DIAPH3: variants seen among roughly 807,000 people sequenced by gnomAD.
DIAPH3 encodes the protein diaphanous related formin 3.
In DIAPH3, 117 loss-of-function variants were observed where a neutral mutation model predicts 144.3. That is an observed-to-expected ratio of 0.81 (90% CI 0.70 to 0.95). The LOEUF (loss-of-function observed/expected upper bound fraction) is 0.95. Among genes scored for constraint, DIAPH3 ranks in the 40% least tolerant of loss-of-function variants. The pLI, the probability that DIAPH3 is intolerant of heterozygous loss-of-function variation, is 0.00. For missense variants in DIAPH3, 1,421 were observed against 1,412.7 expected, an observed-to-expected ratio of 1.01 and a Z score of -0.09; for synonymous variants, 519 against 488.9, an observed-to-expected ratio of 1.06 and a Z score of -0.81.
At position 59,983,906 on chromosome 13, in the gene DIAPH3, G is replaced by A; in HGVS notation, c.1362-19C>T. 1 of 1,484,458 alleles carries A rather than the reference G, an allele frequency of 6.7e-7. No individual in the cohort carries two copies. The highest frequency in any genetic ancestry group is 9.4e-7 in the Non-Finnish European group (1 of 1,064,266). 92.0% of individuals were successfully genotyped at this position (1,484,458 alleles called of 1,614,324 possible). ...TTGTTGCCTAAAACCAAAGAAAAGA[G>A]TAAATGTACAATTGATAATTAGTGT... On this transcript the variant is annotated intron_variant, in intron 12 of 27. Coordinates refer to ENST00000400324, the MANE Select transcript of DIAPH3 (RefSeq NM_001042517.2).
chr13:59,917,434 T>G (rs981457688), intron 18 of DIAPH3, among the ~76,000 whole-genome samples: 1 of 152,154 alleles, frequency 6.6e-6, no homozygotes, highest in African/African-American at 2.4e-5. Flanking sequence ...ATATCATGTA[T>G]CACCTACAGA....
At chr13:60,049,215 A>G (rs1376187291) in intron 4 of DIAPH3, among the ~76,000 whole-genome samples, 1 of 152,202 alleles carries the variant, frequency 6.6e-6, no homozygotes, top group Non-Finnish European at 1.5e-5. Context: ...TAACCTGTCA[A>G]TCTTTTCTCT....
intron 1 of DIAPH3, among the ~76,000 whole-genome samples, chr13:60,145,436 A>G (rs1566822588): frequency 6.6e-6 from 1 of 152,194 alleles, no homozygotes; most frequent in South Asian, 2.1e-4. Flanking sequence ...TCACAAGGTC[A>G]GGAGATCGAG....
intron 17 of DIAPH3, among the ~76,000 whole-genome samples, chr13:59,966,863 T>C (rs1248075834): frequency 6.6e-6 from 1 of 152,048 alleles, no homozygotes; most frequent in African/African-American, 2.4e-5. Flanking sequence ...AGATACACCA[T>C]TTCTCTAAAA....
intron 25 of DIAPH3, among the ~76,000 whole-genome samples, chr13:59,782,652 G>A (rs893585492): frequency 6.6e-6 from 1 of 152,168 alleles, no homozygotes; most frequent in Admixed American, 6.6e-5. Flanking sequence ...CCTCTGAGAA[G>A]GGGAGGAAGA....
chr13:59,973,101 A>G (rs1330850181), intron 15 of DIAPH3, among the ~76,000 whole-genome samples: 1 of 152,166 alleles, frequency 6.6e-6, no homozygotes, highest in Non-Finnish European at 1.5e-5. Context: ...ACTGTATACA[A>G]TTTAAAACAA....
At chr13:60,039,567 G>A (rs75486785) in intron 5 of DIAPH3, among the ~76,000 whole-genome samples, 2,101 of 152,184 alleles carry the variant, frequency 0.014, 66 homozygotes, top group East Asian at 0.1. Flanking sequence ...GCCTCCCAAA[G>A]TGCCAGGACT....
chr13:59,735,324 T>A (rs917283355), intron 27 of DIAPH3, among the ~76,000 whole-genome samples: 1 of 152,158 alleles, frequency 6.6e-6, no homozygotes, highest in Non-Finnish European at 1.5e-5. Context: ...CCTGGTCATT[T>A]GAAGGAAAAG....
At chr13:60,029,905 CCATGACCTTCCG>C (rs777616267) in intron 5 of DIAPH3, among the ~76,000 whole-genome samples, 3 of 152,088 alleles carry the variant, frequency 2.0e-5, no homozygotes, top group Non-Finnish European at 4.4e-5. Flanking sequence ...AGCTTTATGG[CCATGACCTTCCG>C]CATGGCCTGG....
chr13:59,929,913 T>C (rs12862521), intron 17 of DIAPH3, among the ~76,000 whole-genome samples: 1 of 152,166 alleles, frequency 6.6e-6, no homozygotes, highest in Non-Finnish European at 1.5e-5. Flanking sequence ...ATCCAAAAGG[T>C]CTAAAAATAA....
At chr13:59,958,704 T>C (rs2049556651) in intron 17 of DIAPH3, among the ~76,000 whole-genome samples, 1 of 151,844 alleles carries the variant, frequency 6.6e-6, no homozygotes, top group African/African-American at 2.4e-5. Context: ...TTGATGCACA[T>C]TAATTAAATA....
At chr13:59,869,382 G>A (rs1426859359) in intron 21 of DIAPH3, among the ~76,000 whole-genome samples, 1 of 152,094 alleles carries the variant, frequency 6.6e-6, no homozygotes, top group Non-Finnish European at 1.5e-5. Context: ...TTTGACATGA[G>A]AGAGATTAAC....
chr13:59,717,688 C>T (rs1344798325), intron 27 of DIAPH3, among the ~76,000 whole-genome samples: 1 of 152,068 alleles, frequency 6.6e-6, no homozygotes, highest in Admixed American at 6.6e-5. Flanking sequence ...GGTTGGCTTT[C>T]CCATATAACT....
intron 4 of DIAPH3, among the ~76,000 whole-genome samples, chr13:60,080,872 C>A (rs1156315346): frequency 6.6e-6 from 1 of 151,848 alleles, no homozygotes; most frequent in African/African-American, 2.4e-5. Flanking sequence ...CATTACTGAG[C>A]CATTTTAAAA....
At chr13:59,965,321 C>A (rs74084487) in intron 17 of DIAPH3, among the ~76,000 whole-genome samples, 118 of 152,192 alleles carry the variant, frequency 7.8e-4, no homozygotes, top group African/African-American at 2.6e-3. Context: ...AGAAAGCTAA[C>A]AATTGTGGAA....
chr13:60,028,510 G>A (rs1015013690), intron 5 of DIAPH3, among the ~76,000 whole-genome samples: 6 of 152,032 alleles, frequency 3.9e-5, no homozygotes, highest in African/African-American at 1.4e-4. Context: ...CTGTGTTTCT[G>A]CCTCCTCTTC....
At chr13:59,912,371 AAAAC>A (rs1423994529) in intron 19 of DIAPH3, among the ~76,000 whole-genome samples, 1 of 152,198 alleles carries the variant, frequency 6.6e-6, no homozygotes, top group Non-Finnish European at 1.5e-5. Flanking sequence ...AGATATCTCT[AAAAC>A]AAACTAACTT....
intron 4 of DIAPH3, among the ~76,000 whole-genome samples, chr13:60,052,064 G>A (rs2056372232): frequency 6.6e-6 from 1 of 152,154 alleles, no homozygotes; most frequent in African/African-American, 2.4e-5. Flanking sequence ...CAGAGGAGGG[G>A]GCAATTTAGT....
At chr13:60,015,307 T>A (rs1352822907) in intron 7 of DIAPH3, among the ~76,000 whole-genome samples, 1 of 152,194 alleles carries the variant, frequency 6.6e-6, no homozygotes, top group Non-Finnish European at 1.5e-5. Context: ...TCCCTTCTAA[T>A]GTAACCTCTT....
Sources: allele counts gnomAD v4.1 joint callset (sites outside exome capture counted in the v4.1 genomes callset), GRCh38; gene constraint gnomAD v4.1.1; transcripts MANE v1.5; gene names NCBI Gene and HGNC (gene_info 2026-07-23, HGNC 2026-07-21).